KALRN: variants seen among roughly 807,000 people sequenced by gnomAD.
KALRN encodes kalirin.
A neutral mutation model predicts 353.7 loss-of-function variants in KALRN; 70 were observed. The observed-to-expected ratio is 0.20, with a 90% confidence interval of 0.16 to 0.24. The LOEUF (loss-of-function observed/expected upper bound fraction) is 0.24. KALRN is among the 10% of genes least tolerant of loss of function. The probability of loss-of-function intolerance (pLI) is 1.00; values close to 1 mark genes in which losing one functional copy is unlikely to be tolerated. For missense variants in KALRN, 2,791 were observed against 3,756.7 expected (o/e 0.74, Z 6.72); for synonymous variants, 1,391 against 1,434.8 (o/e 0.97, Z 0.69).
rs759088354 is a variant in KALRN, at chr3:124,395,326, G to C, written c.2154G>C (p.Gly718=). The C allele has an allele frequency of 6.2e-7, 1 of 1,612,688 alleles. No homozygotes were observed. The highest frequency in any genetic ancestry group is 8.5e-7 in the Non-Finnish European group (1 of 1,179,610). Residue 718 remains glycine (G), a synonymous_variant, in exon 12 of 60, where the codon GGG becomes GGC. Coordinates refer to ENST00000682506, the MANE Select transcript of KALRN (RefSeq NM_001388419.1). ...QQLRSAPPSL[G]EPSEARDSAV... is the part of the protein sequence containing the mutation. ...TCAGGTCAGCGCCTCCCTCCCTCGG[G>C]GAGCCCAGCGAGGCCAGGTCAGCAT...
At chr3:124,626,825 G>C (rs1183356866) in intron 34 of KALRN, among the ~76,000 whole-genome samples, 1 of 152,204 alleles carries the variant, frequency 6.6e-6, no homozygotes, top group Non-Finnish European at 1.5e-5. Flanking sequence ...CTTGGATGTA[G>C]AGATAAGATT....
intron 11 of KALRN, among the ~76,000 whole-genome samples, chr3:124,394,765 C>T (rs748025642): frequency 3.3e-5 from 5 of 152,200 alleles, no homozygotes; most frequent in Non-Finnish European, 5.9e-5. Context: ...GAGTACATTA[C>T]TCCCTTTCCT....
chr3:124,177,746 G>A (rs2072988897), intron 1 of KALRN, among the ~76,000 whole-genome samples: 2 of 152,320 alleles, frequency 1.3e-5, no homozygotes, highest in African/African-American at 2.4e-5. Context: ...CAAGATGATT[G>A]TGATGTGCTG....
intron 7 of KALRN, 55 bp from the exon 8 acceptor site, chr3:124,329,806 C>T (rs2080321527): frequency 1.9e-6 from 3 of 1,583,178 alleles, no homozygotes; most frequent in Non-Finnish European, 2.6e-6. Context: ...CCATAATCCA[C>T]CCAACTCCTC....
chr3:124,652,938 T>C (rs1248920036), intron 38 of KALRN, among the ~76,000 whole-genome samples: 1 of 152,136 alleles, frequency 6.6e-6, no homozygotes, highest in Non-Finnish European at 1.5e-5. Context: ...TAAGCCATTG[T>C]CCAGATTCAA....
intron 10 of KALRN, among the ~76,000 whole-genome samples, chr3:124,356,081 T>A (rs1341099290): frequency 1.3e-5 from 2 of 152,134 alleles, no homozygotes; most frequent in East Asian, 3.9e-4. Context: ...GAACTCTACT[T>A]TCCCCTCTGT....
intron 5 of KALRN, among the ~76,000 whole-genome samples, chr3:124,293,643 C>T (rs907125888): frequency 1.1e-4 from 16 of 151,980 alleles, no homozygotes; most frequent in African/African-American, 3.9e-4. Flanking sequence ...AAAAAAAAAC[C>T]CCAAATGACT....
At chr3:124,515,630 G>A (rs1004434121) in intron 33 of KALRN, among the ~76,000 whole-genome samples, 6 of 152,178 alleles carry the variant, frequency 3.9e-5, no homozygotes, top group Non-Finnish European at 7.3e-5. Context: ...GAAAGCCAAA[G>A]TATAGAGTTA....
intron 1 of KALRN, among the ~76,000 whole-genome samples, chr3:124,201,480 T>C (rs899283435): frequency 2.6e-5 from 4 of 152,230 alleles, no homozygotes; most frequent in African/African-American, 9.6e-5. Flanking sequence ...GTGTGTTTTC[T>C]TTTTTAGGAA....
chr3:124,252,349 G>A (rs564419493), intron 3 of KALRN, among the ~76,000 whole-genome samples: 89 of 152,064 alleles, frequency 5.9e-4, no homozygotes, highest in African/African-American at 1.9e-3. Context: ...GTCACTTCCC[G>A]CCTCTGAAAC....
chr3:124,369,287 T>G (rs2085493076), intron 10 of KALRN, among the ~76,000 whole-genome samples: 1 of 152,246 alleles, frequency 6.6e-6, no homozygotes. Flanking sequence ...CTTTCCCTTT[T>G]AAAATTTCTT....
chr3:124,234,690 T>C, intron 2 of KALRN, 139 bp from the exon 3 acceptor site: 1 of 647,118 alleles, frequency 1.5e-6, no homozygotes, highest in South Asian at 1.9e-5. Flanking sequence ...CCCCCCACCT[T>C]GTCCTAAGCA....
intron 1 of KALRN, among the ~76,000 whole-genome samples, chr3:124,226,711 G>T (rs1258015621): frequency 1.3e-5 from 2 of 152,146 alleles, no homozygotes; most frequent in Non-Finnish European, 2.9e-5. Flanking sequence ...GAATTTTATT[G>T]CCAAAATTCC....
At position 124,637,394 on chromosome 3, in the gene KALRN, T is replaced by C. The variant is rs984818414; in HGVS notation, c.5664+91T>C. On this transcript the variant is annotated intron_variant, in intron 37 of 59. Coordinates refer to ENST00000682506, the MANE Select transcript of KALRN (RefSeq NM_001388419.1). Reference sequence around the variant, plus strand: ...TGTCTGCCGTTTTCTCCTTTGCACCTGTCCTCATTCTTCCTATGTGATTGC... The same window carrying C: ...TGTCTGCCGTTTTCTCCTTTGCACCCGTCCTCATTCTTCCTATGTGATTGC... The C allele has an allele frequency of 2.3e-5, 21 of 927,804 alleles. No homozygotes were observed. The African/African-American group carries it at 3.1e-4, about 14-fold the overall frequency. 57.5% of individuals were successfully genotyped at this position (927,804 alleles called of 1,614,324 possible).
chr3:124,434,090 A>T (rs2093382031), intron 16 of KALRN, among the ~76,000 whole-genome samples: 1 of 152,222 alleles, frequency 6.6e-6, no homozygotes, highest in Non-Finnish European at 1.5e-5. Flanking sequence ...TGGGGACAGG[A>T]GTTAGGGTCG....
intron 37 of KALRN, among the ~76,000 whole-genome samples, chr3:124,644,651 T>C (rs1489997216): frequency 6.6e-6 from 1 of 152,236 alleles, no homozygotes; most frequent in African/African-American, 2.4e-5. Flanking sequence ...GCAAAGGACA[T>C]GAACTCATCC....
At chr3:124,507,703 C>T (rs1003806629) in intron 33 of KALRN, among the ~76,000 whole-genome samples, 4 of 152,292 alleles carry the variant, frequency 2.6e-5, no homozygotes, top group East Asian at 3.9e-4. Context: ...GCTATATACA[C>T]ATTATATGTA....
intron 13 of KALRN, chr3:124,407,600 T>C (rs1274469335): frequency 6.6e-6 from 1 of 152,174 alleles, no homozygotes; most frequent in Non-Finnish European, 1.5e-5. Context: ...AACCAGATAA[T>C]TCTATATAGG....
At chr3:124,634,610 G>T (rs1477872300) in intron 36 of KALRN, among the ~76,000 whole-genome samples, 1 of 152,194 alleles carries the variant, frequency 6.6e-6, no homozygotes, top group African/African-American at 2.4e-5. Flanking sequence ...TAGGTTAGAC[G>T]TGCTTCCAGG....
Sources: gnomAD v4.1 joint callset for allele counts (sites outside exome capture counted in the v4.1 genomes callset) on GRCh38, gnomAD v4.1.1 for gene constraint, MANE v1.5 for transcripts, NCBI Gene and HGNC (gene_info 2026-07-23, HGNC 2026-07-21) for gene names.